The following GRIK2 variants were observed in gnomAD, a reference collection of about 807,000 sequenced individuals.
The protein encoded by GRIK2 is glutamate receptor ionotropic, kainate 2.
Under a neutral mutation model 100.3 loss-of-function variants are expected in GRIK2, and 32 were observed. The observed-to-expected ratio is 0.32, with a 90% CI of 0.24 to 0.43. GRIK2 has a LOEUF of 0.43. Ranked by LOEUF, GRIK2 falls within the 20% of genes least tolerant of loss-of-function variation. The pLI is 1.00. For synonymous variants in GRIK2, 417 were observed against 389.4 expected (o/e 1.07, Z -0.83); for missense variants, 843 against 1,114.9 (o/e 0.76, Z 3.47).
chr6:101,968,138 A>T (rs972137285), intron 14 of GRIK2, among the ~76,000 whole-genome samples: 2 of 151,876 alleles, frequency 1.3e-5, no homozygotes, highest in Non-Finnish European at 2.9e-5. Context: ...TCAAAAGTTA[A>T]AAAAAAACCA....
chr6:102,048,861 GAATATAA>G (rs1310836787), intron 15 of GRIK2, among the ~76,000 whole-genome samples: 1 of 151,730 alleles, frequency 6.6e-6, no homozygotes, highest in Non-Finnish European at 1.5e-5. Context: ...AATAACTAAT[GAATATAA>G]AATAAAAGAA....
intron 2 of GRIK2, among the ~76,000 whole-genome samples, chr6:101,409,108 ATGTGTGTGTGTGTGTGTGTGTGTGTG>A (rs67806970): frequency 3.6e-5 from 5 of 138,424 alleles, no homozygotes; most frequent in Non-Finnish European, 6.3e-5. Flanking sequence ...AACATTGTGT[ATGTGTGTGTGTGTGTGTGTGTGTGTG>A]TGTGTGTGTG....
chr6:101,411,965 C>T (rs1286009830), intron 2 of GRIK2, among the ~76,000 whole-genome samples: 1 of 151,978 alleles, frequency 6.6e-6, no homozygotes, highest in African/African-American at 2.4e-5. Context: ...AAAAGAACTC[C>T]AGCAGACATT....
chr6:102,051,174 G>A (rs1771160130), intron 15 of GRIK2, among the ~76,000 whole-genome samples: 1 of 151,996 alleles, frequency 6.6e-6, no homozygotes, highest in Admixed American at 6.6e-5. Context: ...TGGAGCATCA[G>A]GTCTTATACA....
intron 3 of GRIK2, 45 bp downstream of exon 3, chr6:101,622,161 TTC>T: frequency 8.7e-7 from 1 of 1,155,986 alleles, no homozygotes; most frequent in Non-Finnish European, 1.3e-6. Flanking sequence ...GAATTCAAAT[TTC>T]TAGGTATTCT....
chr6:101,658,588 C>A (rs1582907292), intron 4 of GRIK2, among the ~76,000 whole-genome samples: 1 of 85,206 alleles, frequency 1.2e-5, no homozygotes, highest in East Asian at 2.5e-4. Context: ...ATTGCTGGAT[C>A]AAATGGTATT....
intron 7 of GRIK2, among the ~76,000 whole-genome samples, chr6:101,772,622 A>T (rs367552340): frequency 6.0e-5 from 9 of 150,424 alleles, no homozygotes; most frequent in African/African-American, 2.2e-4. Context: ...GAAAATGAAT[A>T]AAGTATAATC....
intron 2 of GRIK2, among the ~76,000 whole-genome samples, chr6:101,405,025 A>G (rs367942821): frequency 5.3e-5 from 8 of 152,294 alleles, no homozygotes; most frequent in African/African-American, 1.7e-4. Context: ...GGCGATAAAG[A>G]CCATTTGGAT....
At position 101,393,721 on chromosome 6, in the gene GRIK2, G is replaced by A. The variant is rs1244763012; in HGVS notation, c.-410G>A. Among the ~76,000 whole-genome samples the A allele has an allele frequency of 6.6e-6, 1 of 152,106 alleles. No individual in the cohort carries two copies. Among genetic ancestry groups the A allele is most frequent in the South Asian group, 2.1e-4 (1 of 4,830 alleles). ...GCCGCTGCCGTCACTCGCGCTCGGC[G>A]CCGGCGGCTGCGCTGGTCGGTCTGG... On this transcript the variant is annotated 5_prime_UTR_variant, in exon 1 of 17. Transcript: ENST00000369134.
chr6:101,976,438 TG>T (rs1793385164), intron 14 of GRIK2, among the ~76,000 whole-genome samples: 1 of 151,998 alleles, frequency 6.6e-6, no homozygotes, highest in Non-Finnish European at 1.5e-5. Context: ...GGCTCATGCC[TG>T]TAAACCCAGC....
chr6:102,012,146 G>A lies in GRIK2; in HGVS notation c.2086-23195G>A, dbSNP rs571261665. Among the ~76,000 whole-genome samples, 5 of 151,966 alleles carry A rather than the reference G, an allele frequency of 3.3e-5. No homozygotes were observed. In the South Asian group the frequency reaches 1.0e-3, roughly 32 times the overall value. On this transcript the variant is annotated intron_variant, in intron 14 of 16. Transcript: ENST00000369134. Reference sequence around the variant, plus strand: ...GCCTTTTTTCCTCCGTCAAAGATTAGGTGACTATATTTATGTTGGCATACT... The same window carrying A: ...GCCTTTTTTCCTCCGTCAAAGATTAAGTGACTATATTTATGTTGGCATACT...
intron 2 of GRIK2, among the ~76,000 whole-genome samples, chr6:101,526,391 A>T (rs1028252530): frequency 6.6e-6 from 1 of 152,212 alleles, no homozygotes; most frequent in Admixed American, 6.5e-5. Flanking sequence ...AGAAAACTAT[A>T]TGCATTTGCT....
intron 2 of GRIK2, among the ~76,000 whole-genome samples, chr6:101,486,692 T>C (rs1772853763): frequency 8.6e-6 from 1 of 116,756 alleles, no homozygotes; most frequent in Non-Finnish European, 1.8e-5. Context: ...CATCAATAAA[T>C]CAGTGGAGCT....
At chr6:101,506,707 T>C (rs569921120) in intron 2 of GRIK2, among the ~76,000 whole-genome samples, 1 of 152,304 alleles carries the variant, frequency 6.6e-6, no homozygotes, top group African/African-American at 2.4e-5. Flanking sequence ...GCTCATGAAG[T>C]ATTTTAAATA....
intron 11 of GRIK2, among the ~76,000 whole-genome samples, chr6:101,884,363 C>G (rs572825293): frequency 6.6e-6 from 1 of 152,022 alleles, no homozygotes; most frequent in African/African-American, 2.4e-5. Flanking sequence ...GATTTTCCAG[C>G]GTTAAACTGC....
chr6:101,508,235 T>C (rs1774119555), intron 2 of GRIK2, among the ~76,000 whole-genome samples: 1 of 152,112 alleles, frequency 6.6e-6, no homozygotes, highest in East Asian at 1.9e-4. Flanking sequence ...CAAATGTTTA[T>C]TGACTTCCCA....
At chr6:102,007,736 A>G (rs563958293) in intron 14 of GRIK2, among the ~76,000 whole-genome samples, 1 of 152,262 alleles carries the variant, frequency 6.6e-6, no homozygotes, top group African/African-American at 2.4e-5. Context: ...ATTGCAAAAA[A>G]GAAAGTTTTC....
At chr6:101,882,446 T>G (rs1786317288) in intron 11 of GRIK2, among the ~76,000 whole-genome samples, 1 of 152,158 alleles carries the variant, frequency 6.6e-6, no homozygotes, top group South Asian at 2.1e-4. Context: ...AGTTTATTTT[T>G]CATTGTCATT....
intron 7 of GRIK2, among the ~76,000 whole-genome samples, chr6:101,784,733 C>G (rs1019207517): frequency 1.3e-5 from 2 of 151,916 alleles, no homozygotes; most frequent in Non-Finnish European, 2.9e-5. Flanking sequence ...TGCTATCCCT[C>G]TCTCTCTCTC....
Sources: allele counts gnomAD v4.1 joint callset (sites outside exome capture counted in the v4.1 genomes callset), GRCh38; gene constraint gnomAD v4.1.1; transcripts MANE v1.5; gene names NCBI Gene and HGNC (gene_info 2026-07-23, HGNC 2026-07-21).